The following GRM7 variants were observed in gnomAD, a reference collection of about 807,000 sequenced individuals.
The protein encoded by GRM7 is glutamate metabotropic receptor 7.
Under a neutral mutation model 84.5 loss-of-function variants are expected in GRM7, and 35 were observed. That is an observed-to-expected ratio of 0.41 (90% confidence interval 0.32 to 0.55). The LOEUF (loss-of-function observed/expected upper bound fraction) is 0.55. GRM7 is among the 20% of genes least tolerant of loss of function. The pLI, the probability that GRM7 is intolerant of heterozygous loss-of-function variation, is 0.19. For missense variants in GRM7, 1,003 were observed against 1,194.6 expected (o/e 0.84, Z 2.36); for synonymous variants, 487 against 455.1 (o/e 1.07, Z -0.89).
chr3:7,082,499 A>C lies in GRM7; in HGVS notation c.520-63953A>C, dbSNP rs929530764. ...GATGTACAAGGAAATTCATGTTTTCATGGCTGCTAACACAACATCCATTGT... is the reference window on the plus strand; with the variant it reads ...GATGTACAAGGAAATTCATGTTTTCCTGGCTGCTAACACAACATCCATTGT... On this transcript the variant is annotated intron_variant, in intron 1 of 9. Coordinates refer to ENST00000357716, the MANE Select transcript of GRM7 (RefSeq NM_000844.4). Among the ~76,000 whole-genome samples the C allele has an allele frequency of 5.9e-5, 9 of 152,252 alleles. 1 individual carries two copies. The South Asian group carries it at 1.9e-3, about 32-fold the overall frequency.
At chr3:6,993,237 C>T (rs1010236549) in intron 1 of GRM7, among the ~76,000 whole-genome samples, 4 of 152,132 alleles carry the variant, frequency 2.6e-5, no homozygotes, top group Non-Finnish European at 4.4e-5. Context: ...ATTCAATTAC[C>T]TCACACCAGG....
intron 1 of GRM7, among the ~76,000 whole-genome samples, chr3:6,929,635 A>C (rs1288559813): frequency 6.6e-6 from 1 of 152,206 alleles, no homozygotes; most frequent in Admixed American, 6.5e-5. Flanking sequence ...ACTAGAGGAC[A>C]GGTATTGATG....
intron 7 of GRM7, among the ~76,000 whole-genome samples, chr3:7,555,149 A>G (rs922238584): frequency 1.3e-4 from 20 of 152,240 alleles, no homozygotes; most frequent in African/African-American, 4.6e-4. Context: ...GTGAGAAATC[A>G]AATGAAATAA....
At chr3:7,176,258 A>T (rs1477270853) in intron 2 of GRM7, among the ~76,000 whole-genome samples, 1 of 134,830 alleles carries the variant, frequency 7.4e-6, no homozygotes, top group East Asian at 2.0e-4. Context: ...AAAAAAAAAA[A>T]AAAATAGCTG....
chr3:7,347,546 GT>G (rs535401111), intron 4 of GRM7, among the ~76,000 whole-genome samples: 1 of 152,134 alleles, frequency 6.6e-6, no homozygotes, highest in East Asian at 1.9e-4. Flanking sequence ...CGGGGTTTGA[GT>G]TTTTTCAAAC....
chr3:7,603,653 A>G (rs1216864686), intron 8 of GRM7, among the ~76,000 whole-genome samples: 1 of 152,096 alleles, frequency 6.6e-6, no homozygotes, highest in South Asian at 2.1e-4. Context: ...TTCTCCTAAC[A>G]TCTGGAGTGT....
intron 2 of GRM7, among the ~76,000 whole-genome samples, chr3:7,225,009 GT>G (rs1335043393): frequency 6.6e-6 from 1 of 152,006 alleles, no homozygotes; most frequent in African/African-American, 2.4e-5. Context: ...TACAGCTCTA[GT>G]TTTATAGCTA....
Position 7,356,765 on chromosome 3 carries a change from T to C in GRM7, c.1033+50113T>C, listed in dbSNP as rs147407385. On this transcript the variant is annotated intron_variant, in intron 4 of 9. Transcript: ENST00000357716. ...CAGCTTTTTGAGGGGTCTCAGGCCT[T>C]TGGCCTCACACTAGAGGCTCTATTG... 6.1e-3 allele frequency among the ~76,000 whole-genome samples: 933 copies of C among 152,200 alleles called. 7 individuals carry two copies. The highest frequency in any genetic ancestry group is 0.021 in the African/African-American group (879 of 41,562).
intron 9 of GRM7, among the ~76,000 whole-genome samples, chr3:7,732,028 TG>T (rs1226028071): frequency 2.0e-5 from 3 of 152,024 alleles, no homozygotes; most frequent in Middle Eastern, 3.4e-3. Context: ...CCACGTGGTA[TG>T]GCCGGCCTCG....
chr3:7,120,533 G>T (rs1047878215), intron 1 of GRM7, among the ~76,000 whole-genome samples: 1 of 152,148 alleles, frequency 6.6e-6, no homozygotes, highest in Non-Finnish European at 1.5e-5. Flanking sequence ...TGAACACAGT[G>T]AGATCCATGT....
intron 1 of GRM7, among the ~76,000 whole-genome samples, chr3:6,904,863 G>A (rs1696511759): frequency 6.6e-6 from 1 of 151,834 alleles, no homozygotes; most frequent in Non-Finnish European, 1.5e-5. Context: ...TAGAACTACA[G>A]GCACATAGCA....
intron 2 of GRM7, among the ~76,000 whole-genome samples, chr3:7,238,968 T>C (rs13076855): frequency 3.3e-5 from 5 of 150,222 alleles, no homozygotes; most frequent in African/African-American, 1.2e-4. Context: ...TTTTCTTTTA[T>C]TATTCTTTTC....
intron 7 of GRM7, among the ~76,000 whole-genome samples, chr3:7,536,457 A>C (rs1701247844): frequency 6.6e-6 from 1 of 152,190 alleles, no homozygotes; most frequent in Non-Finnish European, 1.5e-5. Context: ...GAAGCCAGCC[A>C]ACAAGATAAC....
intron 1 of GRM7, among the ~76,000 whole-genome samples, chr3:7,036,289 A>G (rs1194123692): frequency 5.9e-5 from 9 of 152,230 alleles, no homozygotes; most frequent in African/African-American, 2.2e-4. Context: ...GAAACATCCT[A>G]CAGAATAAGG....
chr3:7,286,791 T>C (rs1699446363), intron 2 of GRM7, among the ~76,000 whole-genome samples: 1 of 152,154 alleles, frequency 6.6e-6, no homozygotes, highest in Non-Finnish European at 1.5e-5. Flanking sequence ...AAGGTATGAT[T>C]TTATTTATTC....
chr3:7,008,951 T>C (rs1219969111), intron 1 of GRM7, among the ~76,000 whole-genome samples: 1 of 152,200 alleles, frequency 6.6e-6, no homozygotes, highest in African/African-American at 2.4e-5. Context: ...GACTATCTCA[T>C]AAAATGTATG....
chr3:7,344,533 T>C lies in GRM7; in HGVS notation c.1033+37881T>C, dbSNP rs535494992. Among the ~76,000 whole-genome samples the C allele has an allele frequency of 4.5e-4, 69 of 152,224 alleles. 2 individuals are homozygous for C. The highest frequency in any genetic ancestry group is 1.6e-3 in the African/African-American group (65 of 41,564). The stretch of plus-strand genomic sequence containing the variant: ...ATTTTTTTTAAATAATAAAAATTCA[T>C]AAAAAGTAATGTCTGCTTTTCAGAA... On this transcript the variant is annotated intron_variant, in intron 4 of 9. Coordinates refer to ENST00000357716, the MANE Select transcript of GRM7 (RefSeq NM_000844.4).
In GRM7 at chr3:6,918,173, G is replaced by A. The variant is rs140444265; in HGVS notation, c.519+56266G>A. 1.1e-3 allele frequency among the ~76,000 whole-genome samples: 171 copies of A among 152,282 alleles called. No individual in the cohort carries two copies. The East Asian group carries it at 0.015, about 14-fold the overall frequency. ...TTTTACAGAAGAGGAAACAAAGGCT[G>A]TAAAGGAAAGCTTCTTGCTCAAGGT... On this transcript the variant is annotated intron_variant, in intron 1 of 9. Coordinates refer to ENST00000357716, the MANE Select transcript of GRM7 (RefSeq NM_000844.4).
chr3:7,564,879 C>T (rs1168543734), intron 7 of GRM7, among the ~76,000 whole-genome samples: 1 of 152,094 alleles, frequency 6.6e-6, no homozygotes, highest in East Asian at 1.9e-4. Context: ...TTGAGCTGTA[C>T]CTAAGCTTAC....
Sources: gnomAD v4.1 joint callset for allele counts (sites outside exome capture counted in the v4.1 genomes callset) on GRCh38, gnomAD v4.1.1 for gene constraint, MANE v1.5 for transcripts, NCBI Gene and HGNC (gene_info 2026-07-23, HGNC 2026-07-21) for gene names.